Variants in PLOD2 observed in about 807,000 individuals in gnomAD.
PLOD2 encodes lysine hydroxylase 2.
Under a neutral mutation model 101.0 loss-of-function variants are expected in PLOD2, and 65 were observed. The observed-to-expected ratio is 0.64, with a 90% CI of 0.53 to 0.79. The LOEUF is 0.79. Among genes scored for constraint, PLOD2 ranks in the 30% least tolerant of loss-of-function variants. The pLI is 0.00. For missense variants in PLOD2, 909 were observed against 914.6 expected, an observed-to-expected ratio of 0.99 and a Z score of 0.08; for synonymous variants, 314 against 302.9, an observed-to-expected ratio of 1.04 and a Z score of -0.38.
intron 3 of PLOD2, among the ~76,000 whole-genome samples, chr3:146,113,051 C>T (rs1048265196): frequency 1.3e-5 from 2 of 151,916 alleles, no homozygotes; most frequent in East Asian, 1.9e-4. Context: ...GTCTTTGAAA[C>T]CCTAATGATG....
intron 1 of PLOD2, among the ~76,000 whole-genome samples, chr3:146,143,063 A>T (rs1317814438): frequency 2.0e-5 from 3 of 151,984 alleles, no homozygotes; most frequent in African/African-American, 7.2e-5. Context: ...TCCCAAACTC[A>T]CTGCTCAGTG....
chr3:146,077,520 C>T, intron 14 of PLOD2: 1 of 204,094 alleles, frequency 4.9e-6, no homozygotes, highest in Non-Finnish European at 9.8e-6. Flanking sequence ...TAAGGTGCAC[C>T]TAAACCTTAC....
intron 3 of PLOD2, among the ~76,000 whole-genome samples, chr3:146,111,048 A>G (rs1937621995): frequency 6.6e-6 from 1 of 151,986 alleles, no homozygotes; most frequent in Non-Finnish European, 1.5e-5. Context: ...TAATTTTTGT[A>G]AAAACTGACA....
intron 1 of PLOD2, among the ~76,000 whole-genome samples, chr3:146,151,060 C>A (rs1003599226): frequency 1.3e-5 from 2 of 152,170 alleles, no homozygotes; most frequent in African/African-American, 4.8e-5. Context: ...GATACAACAA[C>A]CAGTAGAAAA....
intron 11 of PLOD2, among the ~76,000 whole-genome samples, chr3:146,083,470 T>C (rs1936634245): frequency 6.6e-6 from 1 of 152,134 alleles, no homozygotes; most frequent in African/African-American, 2.4e-5. Context: ...GAACCATAGG[T>C]ATTACATAAA....
At chr3:146,079,389 T>A in intron 12 of PLOD2, 132 bp from the exon 13 acceptor site, 1 of 672,948 alleles carries the variant, frequency 1.5e-6, no homozygotes, top group South Asian at 1.7e-5. Context: ...CATACAAATA[T>A]ATTCAATGAT....
chr3:146,121,878 C>G (rs572904096), intron 2 of PLOD2, among the ~76,000 whole-genome samples: 1 of 152,260 alleles, frequency 6.6e-6, no homozygotes, highest in South Asian at 2.1e-4. Flanking sequence ...TGAGCCTCAG[C>G]AGCTGCTCCC....
At chr3:146,111,439 G>A in intron 3 of PLOD2, among the ~76,000 whole-genome samples, 1 of 151,978 alleles carries the variant, frequency 6.6e-6, no homozygotes, top group East Asian at 1.9e-4. Flanking sequence ...ACACTTAAGT[G>A]TAAAGTATAA....
At chr3:146,104,375 T>C in intron 5 of PLOD2, 33 bp from the exon 6 acceptor site, 1 of 1,115,716 alleles carries the variant, frequency 9.0e-7, no homozygotes, top group African/African-American at 1.5e-5. Flanking sequence ...ATATTGAAAA[T>C]GACAACAAAA....
At chr3:146,135,925 T>A (rs1184642053) in intron 1 of PLOD2, among the ~76,000 whole-genome samples, 1 of 152,152 alleles carries the variant, frequency 6.6e-6, no homozygotes, top group East Asian at 1.9e-4. Context: ...AAACTGCAAT[T>A]GATAAAGATG....
At chr3:146,122,854 T>C (rs1226495906) in intron 2 of PLOD2, among the ~76,000 whole-genome samples, 1 of 152,162 alleles carries the variant, frequency 6.6e-6, no homozygotes, top group Admixed American at 6.5e-5. Flanking sequence ...CAAGGTGCCT[T>C]GCACATAAGA....
intron 4 of PLOD2, among the ~76,000 whole-genome samples, chr3:146,108,727 A>G (rs1046752698): frequency 1.1e-4 from 17 of 152,162 alleles, no homozygotes; most frequent in African/African-American, 3.9e-4. Flanking sequence ...CTTGCTTGCT[A>G]ATTTCTTGCT....
At chr3:146,082,460 C>A (rs1576577972) in intron 11 of PLOD2, among the ~76,000 whole-genome samples, 1 of 152,176 alleles carries the variant, frequency 6.6e-6, no homozygotes, top group Non-Finnish European at 1.5e-5. Context: ...CCTGGCAACA[C>A]TGAACTTTCC....
intron 9 of PLOD2, among the ~76,000 whole-genome samples, chr3:146,087,455 A>C (rs1375581): frequency 0.5 from 76,383 of 151,620 alleles, 19,316 homozygotes; most frequent in East Asian, 0.56. Flanking sequence ...AAATTTAACA[A>C]AATTCTATGG....
intron 13 of PLOD2, 145 bp downstream of exon 13, chr3:146,078,971 C>A: frequency 1.4e-6 from 1 of 740,482 alleles, no homozygotes; most frequent in Non-Finnish European, 2.4e-6. Flanking sequence ...AAAATTACTC[C>A]CAAATTTTTT....
intron 12 of PLOD2, among the ~76,000 whole-genome samples, chr3:146,079,894 A>G (rs1316800751): frequency 6.6e-6 from 1 of 152,048 alleles, no homozygotes; most frequent in African/African-American, 2.4e-5. Flanking sequence ...ATTTTATAGA[A>G]AAAGGAAAAC....
At chr3:146,081,585 A>C (rs1936541933) in intron 12 of PLOD2, among the ~76,000 whole-genome samples, 153 bp downstream of exon 12, 1 of 152,154 alleles carries the variant, frequency 6.6e-6, no homozygotes, top group South Asian at 2.1e-4. Flanking sequence ...GTTTTATACT[A>C]GTATTTCAGG....
At chr3:146,154,835 T>C (rs1255368199) in intron 1 of PLOD2, among the ~76,000 whole-genome samples, 3 of 152,200 alleles carry the variant, frequency 2.0e-5, no homozygotes, top group South Asian at 2.1e-4. Flanking sequence ...TAACTAAGTA[T>C]GTAAATGCAT....
intron 2 of PLOD2, 45 bp from the exon 3 acceptor site, chr3:146,121,293 A>G: frequency 1.3e-6 from 2 of 1,566,116 alleles, no homozygotes; most frequent in Non-Finnish European, 1.8e-6. Flanking sequence ...AACTCAAATT[A>G]TGAAAGTACT....
Sources: gnomAD v4.1 joint callset for allele counts (sites outside exome capture counted in the v4.1 genomes callset) on GRCh38, gnomAD v4.1.1 for gene constraint, MANE v1.5 for transcripts, NCBI Gene and HGNC (gene_info 2026-07-23, HGNC 2026-07-21) for gene names.